Variants in KIF16B observed in about 807,000 individuals in gnomAD.
KIF16B encodes the protein kinesin family member 16B.
In KIF16B, 98 loss-of-function variants were observed where a neutral mutation model predicts 156.3. The ratio of observed to expected loss-of-function variants is 0.63; its 90% confidence interval spans 0.53 to 0.74. The LOEUF is 0.74. Ranked by LOEUF, KIF16B falls within the 30% of genes least tolerant of loss-of-function variation. The pLI is 0.00. For synonymous variants in KIF16B, 564 were observed against 583.7 expected, an observed-to-expected ratio of 0.97 and a Z score of 0.49; for missense variants, 1,421 against 1,606.5, an observed-to-expected ratio of 0.88 and a Z score of 1.97.
chr20:16,538,540 A>C (rs2070067167), intron 1 of KIF16B, among the ~76,000 whole-genome samples: 1 of 152,216 alleles, frequency 6.6e-6, no homozygotes, highest in Non-Finnish European at 1.5e-5. Flanking sequence ...CTAGATGATA[A>C]GATGCTACAA....
rs184113362 is a variant in KIF16B, at chr20:16,440,436, T to C, written c.1303-10454A>G. Among the ~76,000 whole-genome samples, 1,007 of 152,090 alleles carry C rather than the reference T, an allele frequency of 6.6e-3. 9 individuals are homozygous for C. The highest frequency in any genetic ancestry group is 0.017 in the Middle Eastern group (5 of 294). On this transcript the variant is annotated intron_variant, in intron 12 of 25. Transcript: ENST00000354981. ...TCACATCAGACAGGCACCTATGATG[T>C]CACTGAAAATGAACTAAAAATATAA...
chr20:16,339,908 C>T (rs929508013), intron 23 of KIF16B, among the ~76,000 whole-genome samples: 1 of 151,622 alleles, frequency 6.6e-6, no homozygotes, highest in Non-Finnish European at 1.5e-5. Context: ...ATAGTCTTGC[C>T]TCCTTCCTTC....
intron 24 of KIF16B, among the ~76,000 whole-genome samples, chr20:16,333,429 T>C (rs913926960): frequency 5.3e-5 from 8 of 152,240 alleles, no homozygotes; most frequent in African/African-American, 1.7e-4. Flanking sequence ...CTCTACTTCA[T>C]GAGAAGAGGG....
chr20:16,479,282 A>C (rs1343480370), intron 12 of KIF16B, among the ~76,000 whole-genome samples: 1 of 152,134 alleles, frequency 6.6e-6, no homozygotes, highest in Non-Finnish European at 1.5e-5. Flanking sequence ...GCATGTTCTC[A>C]CTTACAAGTG....
chr20:16,489,003 G>A (rs1401498168), intron 12 of KIF16B, among the ~76,000 whole-genome samples: 1 of 152,148 alleles, frequency 6.6e-6, no homozygotes, highest in African/African-American at 2.4e-5. Flanking sequence ...TAAATCCAAG[G>A]GACTTTAATA....
intron 25 of KIF16B, among the ~76,000 whole-genome samples, chr20:16,295,530 A>C (rs1285774883): frequency 1.3e-5 from 2 of 150,042 alleles, no homozygotes; most frequent in South Asian, 4.1e-4. Context: ...ACTTAAATCT[A>C]TATATTTATA....
chr20:16,543,428 T>G (rs144917895), intron 1 of KIF16B, among the ~76,000 whole-genome samples: 105 of 152,316 alleles, frequency 6.9e-4, no homozygotes, highest in African/African-American at 2.4e-3. Flanking sequence ...AGTGACTATT[T>G]TCCCACTTTT....
intron 22 of KIF16B, chr20:16,368,715 G>A (rs2064741392): frequency 3.0e-6 from 3 of 985,852 alleles, no homozygotes; most frequent in South Asian, 4.7e-5. Context: ...ACGCCAGTAC[G>A]CTCTGCGGGG....
intron 12 of KIF16B, among the ~76,000 whole-genome samples, chr20:16,459,942 C>T (rs1326252885): frequency 2.6e-5 from 4 of 152,124 alleles, no homozygotes; most frequent in African/African-American, 7.2e-5. Context: ...ATGTATGTCT[C>T]ATGTCTCTAC....
intron 15 of KIF16B, 94 bp from the exon 16 acceptor site, chr20:16,406,550 T>G (rs145531362): frequency 7.3e-4 from 764 of 1,045,948 alleles, no homozygotes; most frequent in Non-Finnish European, 9.9e-4. Flanking sequence ...AAATGTAATT[T>G]CCAGTGTATT....
intron 23 of KIF16B, among the ~76,000 whole-genome samples, chr20:16,350,654 A>T (rs2064320037): frequency 6.6e-6 from 1 of 151,176 alleles, no homozygotes; most frequent in Admixed American, 6.6e-5. Flanking sequence ...CAGCCACATC[A>T]CGAGGATGAG....
intron 12 of KIF16B, among the ~76,000 whole-genome samples, chr20:16,444,900 T>A (rs1247556389): frequency 6.6e-6 from 1 of 152,218 alleles, no homozygotes; most frequent in South Asian, 2.1e-4. Flanking sequence ...AAAACCTTCC[T>A]TGAAGCTTCT....
chr20:16,410,284 C>T (rs114680319), intron 15 of KIF16B, among the ~76,000 whole-genome samples: 7,570 of 139,306 alleles, frequency 0.054, 727 homozygotes, highest in African/African-American at 0.19. Context: ...TATGTAGGTA[C>T]GTACCTACAT....
intron 25 of KIF16B, among the ~76,000 whole-genome samples, chr20:16,285,310 C>CT (rs1178509852): frequency 6.6e-6 from 1 of 152,132 alleles, no homozygotes; most frequent in African/African-American, 2.4e-5. Flanking sequence ...ACTTTACTGA[C>CT]TGAAAATGCC....
At chr20:16,329,390 GA>G (rs1287999706) in intron 24 of KIF16B, among the ~76,000 whole-genome samples, 1 of 152,154 alleles carries the variant, frequency 6.6e-6, no homozygotes, top group Non-Finnish European at 1.5e-5. Context: ...TTGTTTCTGA[GA>G]ATGTAACTTG....
intron 23 of KIF16B, among the ~76,000 whole-genome samples, chr20:16,355,818 A>G (rs1175856037): frequency 1.3e-5 from 2 of 152,248 alleles, no homozygotes; most frequent in Non-Finnish European, 2.9e-5. Context: ...AATAGAAACA[A>G]CAATGAAAAT....
At chr20:16,453,904 T>G (rs1444346009) in intron 12 of KIF16B, among the ~76,000 whole-genome samples, 1 of 152,218 alleles carries the variant, frequency 6.6e-6, no homozygotes, top group Non-Finnish European at 1.5e-5. Flanking sequence ...ATCCTTGATT[T>G]GGCAATCTCA....
intron 22 of KIF16B, chr20:16,368,040 G>T (rs1015745718): frequency 7.2e-7 from 1 of 1,395,818 alleles, no homozygotes; most frequent in African/African-American, 1.4e-5. Context: ...CTGGTTGAGG[G>T]TCAGGTGCTG....
At chr20:16,549,716 T>G (rs2070565743) in intron 1 of KIF16B, among the ~76,000 whole-genome samples, 1 of 142,988 alleles carries the variant, frequency 7.0e-6, no homozygotes. Flanking sequence ...ATCTGATCTT[T>G]GACAAACCTG....
Sources: allele counts gnomAD v4.1 joint callset (sites outside exome capture counted in the v4.1 genomes callset), GRCh38; gene constraint gnomAD v4.1.1; transcripts MANE v1.5; gene names NCBI Gene and HGNC (gene_info 2026-07-23, HGNC 2026-07-21).